Variants in EYA1 observed in about 807,000 individuals in gnomAD.
EYA1 encodes protein phosphatase EYA1.
In EYA1, 16 loss-of-function variants were observed where a neutral mutation model predicts 82.0. The observed-to-expected ratio is 0.20, with a 90% CI of 0.13 to 0.30. EYA1 has a LOEUF of 0.30. Ranked by LOEUF, EYA1 falls within the 10% of genes least tolerant of loss-of-function variation. The pLI is 1.00. For missense variants in EYA1, 633 were observed against 730.7 expected (o/e 0.87, Z 1.54); for synonymous variants, 261 against 264.4 (o/e 0.99, Z 0.12).
At chr8:71,414,909 C>A (rs1297648276) in intron 2 of EYA1, among the ~76,000 whole-genome samples, 2 of 152,194 alleles carry the variant, frequency 1.3e-5, no homozygotes, top group Non-Finnish European at 2.9e-5. Flanking sequence ...TGATTGAAAT[C>A]TTTGGTTCTA....
At chr8:71,395,390 C>A (rs929873300) in intron 2 of EYA1, among the ~76,000 whole-genome samples, 7 of 152,162 alleles carry the variant, frequency 4.6e-5, no homozygotes, top group African/African-American at 1.7e-4. Flanking sequence ...GGGAATGCTT[C>A]CAGTTTTTGC....
At chr8:71,200,416 G>A (rs987267061) in intron 17 of EYA1, among the ~76,000 whole-genome samples, 27 of 152,064 alleles carry the variant, frequency 1.8e-4, no homozygotes, top group African/African-American at 6.0e-4. Flanking sequence ...ATTTTGATAT[G>A]TAGATCACAT....
At chr8:71,263,593 G>A (rs1815402736) in intron 11 of EYA1, among the ~76,000 whole-genome samples, 1 of 152,158 alleles carries the variant, frequency 6.6e-6, no homozygotes, top group South Asian at 2.1e-4. Flanking sequence ...TAGTCACATT[G>A]TTGCTGTCAT....
At chr8:71,395,919 C>T (rs1829578335) in intron 2 of EYA1, among the ~76,000 whole-genome samples, 1 of 152,050 alleles carries the variant, frequency 6.6e-6, no homozygotes, top group South Asian at 2.1e-4. Flanking sequence ...TCCATGTGAT[C>T]CTGGACTTTT....
chr8:71,237,436 T>C (rs747258714), intron 12 of EYA1, among the ~76,000 whole-genome samples: 5 of 152,234 alleles, frequency 3.3e-5, no homozygotes, highest in East Asian at 3.8e-4. Flanking sequence ...TCTTAATGAA[T>C]TGCAGTAATC....
At position 71,271,753 on chromosome 8, in the gene EYA1, C is replaced by T. The variant is rs606231357; in HGVS notation, c.966+5G>A. ...CTATTCACTTGGGTGTTGGCTATGA[C>T]GTACCTCAAGATCAGAATCTGGGGG... On this transcript the variant is annotated splice_donor_5th_base_variant and intron_variant, in intron 10 of 17. Transcript: ENST00000340726. The T allele has an allele frequency of 2.5e-6, 4 of 1,614,190 alleles. No individual in the cohort carries two copies. The highest frequency in any genetic ancestry group is 3.4e-6 in the Non-Finnish European group (4 of 1,180,018).
chr8:71,334,229 A>G, intron 3 of EYA1, 55 bp from the exon 4 acceptor site: 2 of 1,266,294 alleles, frequency 1.6e-6, no homozygotes, highest in East Asian at 2.3e-5. Context: ...TTGTAAAGAC[A>G]TGGAAGAGAA....
chr8:71,452,524 G>A (rs1003105641), intron 2 of EYA1, among the ~76,000 whole-genome samples: 2 of 152,284 alleles, frequency 1.3e-5, no homozygotes, highest in East Asian at 3.9e-4. Flanking sequence ...CCCCCCAGTA[G>A]GGGCAGACTG....
At chr8:71,362,154 T>G (rs1200618831), upstream of EYA1, 3 of 892,624 alleles carry the variant, frequency 3.4e-6, no homozygotes, top group African/African-American at 2.2e-5. Flanking sequence ...CTCGGGGCTT[T>G]CTTTTTTTTT....
intron 2 of EYA1, among the ~76,000 whole-genome samples, chr8:71,469,166 T>TAA (rs10719071): frequency 3.3e-5 from 5 of 150,336 alleles, no homozygotes; most frequent in Non-Finnish European, 3.0e-5. Flanking sequence ...CAGACATAAG[T>TAA]AAAAAAAAAA....
intron 2 of EYA1, among the ~76,000 whole-genome samples, chr8:71,397,071 T>C (rs1418035846): frequency 1.3e-5 from 2 of 152,242 alleles, no homozygotes; most frequent in African/African-American, 4.8e-5. Context: ...TTGATCTTTG[T>C]TGATTTAAAA....
intron 2 of EYA1, among the ~76,000 whole-genome samples, chr8:71,486,100 TG>T (rs1248603080): frequency 6.6e-6 from 1 of 152,246 alleles, no homozygotes; most frequent in Non-Finnish European, 1.5e-5. Context: ...CTGCAAGTAT[TG>T]AATTCCTGCT....
chr8:71,298,925 A>G (rs1253343487), intron 9 of EYA1, 122 bp downstream of exon 9: 3 of 819,578 alleles, frequency 3.7e-6, no homozygotes, highest in Non-Finnish European at 4.2e-6. Context: ...CTTGACTTAT[A>G]TTTAGTCCTT....
At chr8:71,225,039 T>G (rs1054979922) in intron 12 of EYA1, 2 of 274,442 alleles carry the variant, frequency 7.3e-6, no homozygotes, top group Admixed American at 4.5e-5. Flanking sequence ...GGCTCCGTGA[T>G]AAAGACCCTC....
chr8:71,224,967 G>C (rs140659549), intron 12 of EYA1, among the ~76,000 whole-genome samples: 24 of 152,324 alleles, frequency 1.6e-4, no homozygotes, highest in Non-Finnish European at 2.5e-4. Flanking sequence ...CCAATTGATG[G>C]AACAGATTTG....
chr8:71,508,337 G>GATC (rs1812347998), intron 2 of EYA1, among the ~76,000 whole-genome samples: 2 of 152,036 alleles, frequency 1.3e-5, no homozygotes, highest in African/African-American at 4.8e-5. Context: ...GCAGTGGCAC[G>GATC]ATCTCAGCTC....
At chr8:71,538,343 T>C (rs928065818) in intron 1 of EYA1, among the ~76,000 whole-genome samples, 7 of 152,316 alleles carry the variant, frequency 4.6e-5, no homozygotes, top group African/African-American at 1.4e-4. Context: ...TAGTCACATA[T>C]GGCACTAATT....
At chr8:71,323,158 T>C (rs1352196624) in intron 4 of EYA1, among the ~76,000 whole-genome samples, 2 of 152,168 alleles carry the variant, frequency 1.3e-5, no homozygotes, top group East Asian at 3.9e-4. Flanking sequence ...AATCTACATA[T>C]ATGTGTGTAT....
At chr8:71,491,270 GAAAA>G (rs59711382) in intron 2 of EYA1, among the ~76,000 whole-genome samples, 4 of 151,978 alleles carry the variant, frequency 2.6e-5, no homozygotes, top group African/African-American at 9.7e-5. Context: ...AGCACTAAGA[GAAAA>G]AAAGAAAGGA....
Sources: allele counts gnomAD v4.1 joint callset (sites outside exome capture counted in the v4.1 genomes callset), GRCh38; gene constraint gnomAD v4.1.1; transcripts MANE v1.5; gene names NCBI Gene and HGNC (gene_info 2026-07-23, HGNC 2026-07-21).